MAP2: variants seen among roughly 807,000 people sequenced by gnomAD.
The protein encoded by MAP2 is microtubule associated protein 2, also known as microtubule-associated protein 2.
In MAP2, 14 loss-of-function variants were observed where a neutral mutation model predicts 137.6. The observed-to-expected ratio is 0.10, with a 90% CI of 0.07 to 0.16. MAP2 has a LOEUF of 0.16. MAP2 is among the 10% of genes least tolerant of loss of function. The pLI, the probability that MAP2 is intolerant of heterozygous loss-of-function variation, is 1.00. For synonymous variants in MAP2, 786 were observed against 782.3 expected, an observed-to-expected ratio of 1.00 and a Z score of -0.08; for missense variants, 2,088 against 2,191.5, an observed-to-expected ratio of 0.95 and a Z score of 0.94.
chr2:209,650,639 T>G (rs2094726791), intron 4 of MAP2, among the ~76,000 whole-genome samples: 1 of 152,176 alleles, frequency 6.6e-6, no homozygotes, highest in Admixed American at 6.5e-5. Flanking sequence ...AGGTAAGAAC[T>G]AAAGTAATCT....
rs1357371208 is a variant in MAP2, at chr2:209,587,362, C to G, written c.-107+7262C>G. Among the ~76,000 whole-genome samples, 3 of 152,062 alleles carry G rather than the reference C, an allele frequency of 2.0e-5. No homozygotes were observed. The East Asian group carries it at 5.8e-4, about 29-fold the overall frequency. ...GGGAACAGAAGATAGTCTCTGACTTCAGGAAAGCATTTTTTTTTCCGTTGA... is the reference window on the plus strand; with the variant it reads ...GGGAACAGAAGATAGTCTCTGACTTGAGGAAAGCATTTTTTTTTCCGTTGA... On this transcript the variant is annotated intron_variant, in intron 3 of 15. Transcript: ENST00000682079.
chr2:209,584,902 G>A (rs572920399), intron 3 of MAP2, among the ~76,000 whole-genome samples: 9 of 152,234 alleles, frequency 5.9e-5, no homozygotes, highest in Admixed American at 2.0e-4. Context: ...AGCAAAGGGA[G>A]AAAGTAGCTG....
intron 3 of MAP2, among the ~76,000 whole-genome samples, chr2:209,585,769 A>G (rs1311835523): frequency 2.0e-5 from 3 of 152,192 alleles, no homozygotes; most frequent in Admixed American, 6.6e-5. Flanking sequence ...ATAATTTCCA[A>G]TGGATAGTTA....
intron 2 of MAP2, among the ~76,000 whole-genome samples, chr2:209,558,259 G>A (rs2071144376): frequency 1.3e-5 from 2 of 152,042 alleles, no homozygotes; most frequent in Non-Finnish European, 2.9e-5. Context: ...CGTGATCTTG[G>A]CTCACTGCAA....
chr2:209,470,341 C>G (rs191010450), intron 1 of MAP2, among the ~76,000 whole-genome samples: 1 of 151,864 alleles, frequency 6.6e-6, no homozygotes, highest in Admixed American at 6.6e-5. Flanking sequence ...TCTAGCCAAG[C>G]GTATTATTAA....
chr2:209,555,441 G>T (rs2070338472), intron 2 of MAP2, among the ~76,000 whole-genome samples: 1 of 152,124 alleles, frequency 6.6e-6, no homozygotes, highest in African/African-American at 2.4e-5. Flanking sequence ...GTGTTATGGA[G>T]AATTCTGGGA....
At chr2:209,622,737 G>A (rs2091498183) in intron 3 of MAP2, among the ~76,000 whole-genome samples, 2 of 152,092 alleles carry the variant, frequency 1.3e-5, no homozygotes, top group African/African-American at 4.8e-5. Context: ...CGTATGCCTT[G>A]TGGAATAGGC....
intron 2 of MAP2, among the ~76,000 whole-genome samples, chr2:209,542,173 T>G (rs573152342): frequency 2.5e-4 from 38 of 152,326 alleles, no homozygotes; most frequent in African/African-American, 8.9e-4. Context: ...ACATCTCCAT[T>G]AGAGCTTTTG....
chr2:209,506,344 C>A (rs1350868864), intron 1 of MAP2, among the ~76,000 whole-genome samples: 1 of 152,168 alleles, frequency 6.6e-6, no homozygotes, highest in Non-Finnish European at 1.5e-5. Flanking sequence ...TTATTTTATA[C>A]TGTTCTTTTC....
chr2:209,638,240 A>G (rs147303480), intron 4 of MAP2, among the ~76,000 whole-genome samples: 32 of 152,262 alleles, frequency 2.1e-4, no homozygotes, highest in African/African-American at 7.7e-4. Context: ...TCTGGGGCAC[A>G]CTAAGATAAA....
chr2:209,615,967 C>A (rs898361034), intron 3 of MAP2, among the ~76,000 whole-genome samples: 1 of 152,208 alleles, frequency 6.6e-6, no homozygotes, highest in Admixed American at 6.5e-5. Flanking sequence ...CAGACCCAGC[C>A]ACACAGGCAG....
intron 3 of MAP2, among the ~76,000 whole-genome samples, chr2:209,619,491 G>A (rs1485539574): frequency 6.6e-6 from 1 of 152,032 alleles, no homozygotes; most frequent in Admixed American, 6.6e-5. Flanking sequence ...GTCAAGTAGT[G>A]TTACATTTCT....
chr2:209,640,113 A>G (rs556126823), intron 4 of MAP2, among the ~76,000 whole-genome samples: 86 of 152,084 alleles, frequency 5.7e-4, no homozygotes, highest in African/African-American at 1.9e-3. Context: ...ACTACCTCCT[A>G]CTTGTCCTTT....
Position 209,693,831 on chromosome 2 carries a change from C to T in MAP2, c.1661C>T (p.Thr554Ile). The change falls in exon 8 of 16, where the codon ACA becomes ATA. Residue 554 changes from threonine to isoleucine, a missense_variant. Thr to Ile is a moderately conservative substitution (Grantham distance 89). Transcript: ENST00000682079. ...KDKIEGVGAA[T>I]SAELDMPFYE... is the part of the protein sequence containing the mutation. ...AAGATTGAAGGAGTTGGAGCTGCAA[C>T]ATCAGCTGAGCTTGATATGCCATTT... The T allele has an allele frequency of 6.2e-7, 1 of 1,613,988 alleles. No homozygotes were observed. Among genetic ancestry groups the T allele is most frequent in the Admixed American group, 1.7e-5 (1 of 59,996 alleles).
chr2:209,565,481 A>G (rs182110551), intron 2 of MAP2, among the ~76,000 whole-genome samples: 94 of 152,234 alleles, frequency 6.2e-4, no homozygotes, highest in African/African-American at 2.2e-3. Context: ...CGGTCTCCCA[A>G]AGTGCTGGGA....
At chr2:209,683,014 AGGTCAAGTCATTTAATCTT>A (rs1286883284) in intron 7 of MAP2, among the ~76,000 whole-genome samples, 3 of 152,186 alleles carry the variant, frequency 2.0e-5, no homozygotes, top group Non-Finnish European at 4.4e-5. Context: ...AGTCGGCTTG[AGGTCAAGTCATTTAATCTT>A]CTTACTCTAT....
At chr2:209,474,532 T>C (rs1323478092) in intron 1 of MAP2, among the ~76,000 whole-genome samples, 1 of 152,106 alleles carries the variant, frequency 6.6e-6, no homozygotes, top group East Asian at 1.9e-4. Context: ...TATAATAGTA[T>C]GGACCATTAT....
At chr2:209,589,538 A>G (rs913008559) in intron 3 of MAP2, among the ~76,000 whole-genome samples, 3 of 152,216 alleles carry the variant, frequency 2.0e-5, no homozygotes, top group African/African-American at 7.2e-5. Flanking sequence ...GCCCTACCTT[A>G]AAAGACTCCT....
chr2:209,434,919 GTTATATATATATGTTATATATATGTGTT>G (rs1695496727), intron 1 of MAP2, among the ~76,000 whole-genome samples: 2 of 133,218 alleles, frequency 1.5e-5, no homozygotes, highest in Non-Finnish European at 1.6e-5. Context: ...TTATATATAT[GTTATATATATATGTTATATATATGTGTT>G]TTATATATAT....
Sources: allele counts gnomAD v4.1 joint callset (sites outside exome capture counted in the v4.1 genomes callset), GRCh38; gene constraint gnomAD v4.1.1; transcripts MANE v1.5; gene names NCBI Gene and HGNC (gene_info 2026-07-23, HGNC 2026-07-21).